The following PSME4 variants were observed in gnomAD, a reference collection of about 807,000 sequenced individuals.
PSME4 encodes the protein proteasome activator complex subunit 4.
In PSME4, 89 loss-of-function variants were observed where a neutral mutation model predicts 253.9. That is an observed-to-expected ratio of 0.35 (90% CI 0.30 to 0.42). The LOEUF (loss-of-function observed/expected upper bound fraction) is 0.42, where lower values mean the gene tolerates loss of function less well. Among genes scored for constraint, PSME4 ranks in the 10% least tolerant of loss-of-function variants. The pLI is 1.00. For missense variants in PSME4, 2,014 were observed against 2,195.2 expected (o/e 0.92, Z 1.65); for synonymous variants, 851 against 759.2 (o/e 1.12, Z -1.99).
At chr2:53,910,670 C>T (rs2104443242) in intron 20 of PSME4, among the ~76,000 whole-genome samples, 1 of 152,248 alleles carries the variant, frequency 6.6e-6, no homozygotes, top group South Asian at 2.1e-4. Context: ...CTACCCTGAG[C>T]CTATAAGCGG....
At chr2:53,878,477 C>T (rs114936071) in intron 41 of PSME4, among the ~76,000 whole-genome samples, 1,747 of 152,274 alleles carry the variant, frequency 0.011, 34 homozygotes, top group African/African-American at 0.039. Flanking sequence ...AGGAGATGAC[C>T]TTAAACTCTG....
intron 28 of PSME4, 78 bp from the exon 29 acceptor site, chr2:53,900,095 C>G: frequency 7.4e-7 from 1 of 1,348,546 alleles, no homozygotes; most frequent in East Asian, 2.3e-5. Context: ...AAATGTCATG[C>G]TAAGTGAAAG....
At chr2:53,938,370 A>G (rs1669224475) in intron 4 of PSME4, among the ~76,000 whole-genome samples, 1 of 152,204 alleles carries the variant, frequency 6.6e-6, no homozygotes, top group Non-Finnish European at 1.5e-5. Context: ...TGATATGGAC[A>G]GGAGTGTCCC....
At chr2:53,903,970 AG>A in intron 27 of PSME4, 54 bp downstream of exon 27, 1 of 1,451,824 alleles carries the variant, frequency 6.9e-7, no homozygotes, top group Non-Finnish European at 9.4e-7. Flanking sequence ...GAATTTTTTC[AG>A]CTTTTCAGTA....
At chr2:53,933,863 T>C (rs1350913691) in intron 8 of PSME4, among the ~76,000 whole-genome samples, 1 of 152,180 alleles carries the variant, frequency 6.6e-6, no homozygotes, top group East Asian at 1.9e-4. Flanking sequence ...CTCCTACTGA[T>C]TAAGAAAAAT....
rs1244936774 is a variant in PSME4, at chr2:53,890,167, T to C, written c.4233A>G (p.Thr1411=). ...LWELLCPLLR[T]ALSNITVETY... is the part of the protein sequence containing the mutation. ...TTTCTACGGTAATATTGGACAGTGC[T>C]GTTCTAAGCAGAGGGCACAGAAGCT... The change falls in exon 37 of 47, where the codon ACA becomes ACG. Residue 1411 remains threonine (T), a synonymous_variant. Coordinates refer to ENST00000404125, the MANE Select transcript of PSME4 (RefSeq NM_014614.3). 2 of 1,613,910 alleles carry C rather than the reference T, an allele frequency of 1.2e-6. No homozygotes were observed. The highest frequency in any genetic ancestry group is 2.2e-5 in the East Asian group (1 of 44,886).
At chr2:53,866,031 A>G (rs1355116786) in intron 46 of PSME4, 54 bp downstream of exon 46, 24 of 1,468,886 alleles carry the variant, frequency 1.6e-5, no homozygotes, top group Non-Finnish European at 1.9e-5. Context: ...AAAACAATAA[A>G]TATCTAGTTC....
intron 17 of PSME4, among the ~76,000 whole-genome samples, chr2:53,921,607 G>A (rs1248669165): frequency 1.6e-3 from 211 of 129,530 alleles, no homozygotes; most frequent in Middle Eastern, 9.2e-3. Flanking sequence ...GGTGGCTCAC[G>A]CCTGTAATCC....
intron 9 of PSME4, 27 bp downstream of exon 9, chr2:53,932,641 C>T: frequency 6.5e-7 from 1 of 1,549,598 alleles, no homozygotes; most frequent in Non-Finnish European, 8.9e-7. Context: ...AATTCCAAGC[C>T]CTATAATGCA....
intron 1 of PSME4, among the ~76,000 whole-genome samples, chr2:53,954,184 C>T (rs1371874345): frequency 2.6e-5 from 4 of 152,086 alleles, no homozygotes; most frequent in Non-Finnish European, 5.9e-5. Flanking sequence ...AAAAATTAGC[C>T]GGGTGTGGCG....
At chr2:53,958,935 A>T (rs1271408974) in intron 1 of PSME4, among the ~76,000 whole-genome samples, 1 of 152,180 alleles carries the variant, frequency 6.6e-6, no homozygotes, top group African/African-American at 2.4e-5. Context: ...AAAATTTCTC[A>T]AAGAGAAATA....
intron 1 of PSME4, among the ~76,000 whole-genome samples, chr2:53,957,769 C>T (rs997851033): frequency 1.3e-5 from 2 of 152,138 alleles, no homozygotes; most frequent in South Asian, 2.1e-4. Context: ...AGAAGTAAGA[C>T]ATTATGCATC....
At position 53,925,565 on chromosome 2, in the gene PSME4, T is replaced by C. The variant is rs1327776002; in HGVS notation, c.1783A>G (p.Thr595Ala). The change falls in exon 14 of 47, where the codon ACC becomes GCC. Residue 595 changes from threonine (T) to alanine (A), a missense_variant. By Grantham distance (58) the Thr-to-Ala change is moderately conservative (BLOSUM62 0). This residue lies in a region of PSME4 where 989 missense variants were observed against 1,021.1 expected (regional missense o/e 0.97). Transcript: ENST00000404125. ...ATAAATATTTCTTTGGAACATTGGG[T>C]GAGGATTGTACTAAACGTAGAAGAC... ...GLSSTFSTIL[T>A]QCSKEIFMVA... The C allele has an allele frequency of 5.1e-6, 8 of 1,571,260 alleles. No individual in the cohort carries two copies. Among genetic ancestry groups the C allele is most frequent in the Admixed American group, 3.4e-5 (2 of 58,822 alleles).
chr2:53,969,521 C>T (rs536035536), intron 1 of PSME4, among the ~76,000 whole-genome samples: 1 of 152,128 alleles, frequency 6.6e-6, no homozygotes, highest in African/African-American at 2.4e-5. Flanking sequence ...CTTGTGTGTT[C>T]ACCCGTCCAT....
chr2:53,893,854 G>T, intron 34 of PSME4, 55 bp from the exon 35 acceptor site: 1 of 1,508,334 alleles, frequency 6.6e-7, no homozygotes, highest in Non-Finnish European at 8.8e-7. Flanking sequence ...TTAAATACAT[G>T]ATTCTGAAAA....
chr2:53,923,037 C>T lies in PSME4; in HGVS notation c.1978+12G>A, dbSNP rs1308264838. On this transcript the variant is annotated intron_variant, in intron 16 of 46. Coordinates refer to ENST00000404125, the MANE Select transcript of PSME4 (RefSeq NM_014614.3). ...AAAATTGTAAAGAGAGAATAATGACCTTATGACTTACTCATTGTAAGCTGA... is the reference window on the plus strand; with the variant it reads ...AAAATTGTAAAGAGAGAATAATGACTTTATGACTTACTCATTGTAAGCTGA... 7 of 1,534,184 alleles carry T rather than the reference C, an allele frequency of 4.6e-6. No homozygotes were observed. Among genetic ancestry groups the T allele is most frequent in the Non-Finnish European group, 6.2e-6 (7 of 1,132,444 alleles).
intron 46 of PSME4, chr2:53,865,786 G>A (rs190566844): frequency 1.1e-4 from 29 of 267,912 alleles, no homozygotes; most frequent in Non-Finnish European, 7.7e-5. Flanking sequence ...CCACCCAGGA[G>A]GCAACCAAGA....
intron 10 of PSME4, among the ~76,000 whole-genome samples, chr2:53,928,520 T>TCA (rs10653488): frequency 0.5 from 76,218 of 151,812 alleles, 19,515 homozygotes; most frequent in East Asian, 0.72. Context: ...ACCAAATATT[T>TCA]GTGTCCTGAG....
At chr2:53,894,470 C>T (rs769510478) in intron 34 of PSME4, among the ~76,000 whole-genome samples, 1 of 149,414 alleles carries the variant, frequency 6.7e-6, no homozygotes, top group Non-Finnish European at 1.5e-5. Flanking sequence ...CAAGGTTTTG[C>T]CATGTTGCTC....
Sources: allele counts gnomAD v4.1 joint callset (sites outside exome capture counted in the v4.1 genomes callset), GRCh38; gene constraint gnomAD v4.1.1; regional missense constraint gnomAD v4.1.1; transcripts MANE v1.5; gene names NCBI Gene and HGNC (gene_info 2026-07-23, HGNC 2026-07-21).